ZNF398: variants seen among roughly 807,000 people sequenced by gnomAD.
ZNF398 encodes zinc finger protein 398.
ZNF398 carries 18 observed loss-of-function variants against 41.9 expected under a neutral mutation model. That is an observed-to-expected ratio of 0.43 (90% CI 0.30 to 0.64). The LOEUF is 0.64. ZNF398 is among the 30% of genes least tolerant of loss of function. The probability of loss-of-function intolerance (pLI) is 0.14; values close to 1 mark genes in which losing one functional copy is unlikely to be tolerated. For synonymous variants in ZNF398, 260 were observed against 308.8 expected, an observed-to-expected ratio of 0.84 and a Z score of 1.66; for missense variants, 669 against 822.8, an observed-to-expected ratio of 0.81 and a Z score of 2.29.
intron 2 of ZNF398, among the ~76,000 whole-genome samples, chr7:149,141,746 G>A (rs140132966): frequency 7.6e-4 from 115 of 152,132 alleles, no homozygotes; most frequent in African/African-American, 2.5e-3. Context: ...GAGCCACTGT[G>A]CCCGGCCTAA....
intron 1 of ZNF398, among the ~76,000 whole-genome samples, chr7:149,151,851 A>G (rs891683002): frequency 2.0e-5 from 3 of 151,112 alleles, no homozygotes; most frequent in East Asian, 3.9e-4. Flanking sequence ...CAGTAGCAGA[A>G]TCTTGGCTCA....
At chr7:149,138,236 A>G (rs1826754443) in intron 2 of ZNF398, among the ~76,000 whole-genome samples, 1 of 151,564 alleles carries the variant, frequency 6.6e-6, no homozygotes, top group South Asian at 2.1e-4. Context: ...AAAAAAATTT[A>G]ATGCTATGCA....
At chr7:149,128,340 T>C (rs1826527972) in intron 1 of ZNF398, among the ~76,000 whole-genome samples, 2 of 152,152 alleles carry the variant, frequency 1.3e-5, no homozygotes. Flanking sequence ...ACCAGGTTCA[T>C]AGAAAGGAGT....
At chr7:149,154,942 TCATGCCACTGCATGCCAGGCTGGGCAA>T (rs1382587109) in intron 2 of ZNF398, among the ~76,000 whole-genome samples, 5 of 148,036 alleles carry the variant, frequency 3.4e-5, no homozygotes, top group Non-Finnish European at 7.4e-5. Flanking sequence ...TGAGTCGAGA[TCATGCCACTGCATGCCAGGCTGGGCAA>T]CAAGAGCAAA....
Position 149,156,182 on chromosome 7 carries a change from G to A in ZNF398, c.420+1842G>A, listed in dbSNP as rs1794972729. ...GATGGAGAGAAGTGGACAGATGCAG[G>A]ATGTTTGGTGGTAGAACTGACAATA... On this transcript the variant is annotated intron_variant, in intron 2 of 5. Transcript: ENST00000475153. Among the ~76,000 whole-genome samples, 4 of 152,050 alleles carry A rather than the reference G, an allele frequency of 2.6e-5. 1 individual carries two copies. The South Asian group carries it at 8.3e-4, about 32-fold the overall frequency.
chr7:149,154,427 A>G, intron 2 of ZNF398, 87 bp downstream of exon 2: 1 of 1,395,146 alleles, frequency 7.2e-7, no homozygotes, highest in Non-Finnish European at 9.5e-7. Context: ...TAGATTTTTT[A>G]TTTCCTTTTA....
intron 1 of ZNF398, among the ~76,000 whole-genome samples, chr7:149,127,535 T>C (rs1826507931): frequency 2.4e-5 from 2 of 82,196 alleles, no homozygotes; most frequent in Non-Finnish European, 5.2e-5. Flanking sequence ...AAACCCCGTC[T>C]CTACTAAAAA....
chr7:149,157,183 T>C (rs1231271374), intron 2 of ZNF398, among the ~76,000 whole-genome samples: 2 of 151,796 alleles, frequency 1.3e-5, no homozygotes, highest in Non-Finnish European at 1.5e-5. Flanking sequence ...CCTTTGACAA[T>C]GTTAGGTTTG....
At chr7:149,159,564 C>T (rs1009768509) in intron 2 of ZNF398, among the ~76,000 whole-genome samples, 4 of 151,794 alleles carry the variant, frequency 2.6e-5, no homozygotes, top group African/African-American at 4.8e-5. Flanking sequence ...AGGAGAATGG[C>T]GTGAACCCGG....
chr7:149,178,977 C>T lies in ZNF398; in HGVS notation c.1105C>T (p.Pro369Ser). The change falls in exon 6 of 6, where the codon CCC becomes TCC. Residue 369 changes from proline to serine, a missense_variant. Pro to Ser is a moderately conservative substitution (Grantham distance 74, BLOSUM62 -1). Coordinates refer to ENST00000475153, the MANE Select transcript of ZNF398 (RefSeq NM_170686.3). Reference protein sequence around the residue: ...THQCSHATEHPLPCAQCPKHF... With the variant: ...THQCSHATEHSLPCAQCPKHF... ...CCAATGTAGCCATGCTACTGAGCAC[C>T]CCTTACCCTGTGCCCAGTGCCCTAA... The T allele has an allele frequency of 6.2e-7, 1 of 1,614,134 alleles. No individual in the cohort carries two copies. Among genetic ancestry groups the T allele is most frequent in the Non-Finnish European group, 8.5e-7 (1 of 1,180,022 alleles).
chr7:149,156,717 T>C (rs1228589447), intron 2 of ZNF398, among the ~76,000 whole-genome samples: 1 of 151,274 alleles, frequency 6.6e-6, no homozygotes, highest in East Asian at 1.9e-4. Context: ...AAAAATTAGC[T>C]GGGCCTGGTG....
At chr7:149,149,987 A>G (rs1215699197) in intron 1 of ZNF398, among the ~76,000 whole-genome samples, 3 of 152,158 alleles carry the variant, frequency 2.0e-5, no homozygotes, top group Admixed American at 6.5e-5. Flanking sequence ...AGTCCACCCT[A>G]TGGAGAAGAA....
intron 4 of ZNF398, among the ~76,000 whole-genome samples, chr7:149,172,920 TA>T (rs1202544746): frequency 2.0e-5 from 3 of 152,058 alleles, no homozygotes; most frequent in East Asian, 1.9e-4. Context: ...AAATTATGTC[TA>T]AAAAAACAAT....
At chr7:149,131,469 C>T (rs576470725) in intron 2 of ZNF398, among the ~76,000 whole-genome samples, 13 of 152,258 alleles carry the variant, frequency 8.5e-5, no homozygotes, top group South Asian at 6.2e-4. Context: ...TGATGGATCA[C>T]GAGATCAGGA....
intron 5 of ZNF398, 126 bp downstream of exon 5, chr7:149,176,707 T>C: frequency 3.4e-6 from 2 of 594,170 alleles, no homozygotes; most frequent in South Asian, 4.7e-5. Flanking sequence ...GAAAAAGCCA[T>C]GCTCAACATT....
Position 149,179,587 on chromosome 7 carries a change from G to A in ZNF398, c.1715G>A (p.Cys572Tyr), listed in dbSNP as rs1795547527. Reference protein sequence around the residue: ...TGERPYPCSYCGRSFRYKQTL... With the variant: ...TGERPYPCSYYGRSFRYKQTL... ...GAGCGGCCCTACCCCTGCTCCTACT[G>A]TGGCAGGAGCTTCCGCTACAAACAG... Residue 572 changes from cysteine to tyrosine, a missense_variant, in exon 6 of 6, where the codon TGT becomes TAT. By Grantham distance (194) the Cys-to-Tyr change is radical. This residue lies in a region of ZNF398 where 210 missense variants were observed against 290.4 expected (regional missense o/e 0.72). Transcript: ENST00000475153. This position sits in a 1 kb window ranked among gnomAD's most constrained non-coding sequence, Gnocchi z 6.1. The A allele has an allele frequency of 6.2e-7, 1 of 1,614,074 alleles. No individual in the cohort carries two copies. The highest frequency in any genetic ancestry group is 1.1e-5 in the South Asian group (1 of 91,088).
intron 2 of ZNF398, 34 bp downstream of exon 2, chr7:149,154,374 C>T (rs1794926333): frequency 1.9e-6 from 3 of 1,549,860 alleles, no homozygotes; most frequent in South Asian, 1.2e-5. Context: ...AAAGTGGTAC[C>T]ACTAGAACTT....
chr7:149,165,483 G>A (rs567723803), intron 2 of ZNF398, among the ~76,000 whole-genome samples: 1 of 152,324 alleles, frequency 6.6e-6, no homozygotes, highest in African/African-American at 2.4e-5. Context: ...AAATCTTGGA[G>A]GCAGGTAGAG....
chr7:149,161,596 C>T (rs1795105096), intron 2 of ZNF398, among the ~76,000 whole-genome samples: 1 of 151,988 alleles, frequency 6.6e-6, no homozygotes, highest in Non-Finnish European at 1.5e-5. Flanking sequence ...AAACCAAAAC[C>T]AAAAACAACT....
Sources: allele counts gnomAD v4.1 joint callset (sites outside exome capture counted in the v4.1 genomes callset), GRCh38; gene constraint gnomAD v4.1.1; regional missense constraint gnomAD v4.1.1; non-coding constraint Gnocchi (gnomAD v3.1); transcripts MANE v1.5; gene names NCBI Gene and HGNC (gene_info 2026-07-23, HGNC 2026-07-21).